The following GABRE variants were observed in gnomAD, a reference collection of about 807,000 sequenced individuals.
The protein encoded by GABRE is gamma-aminobutyric acid type A receptor subunit epsilon, also known as gamma-aminobutyric acid receptor subunit epsilon.
GABRE carries 20 observed loss-of-function variants against 31.0 expected under a neutral mutation model. The observed-to-expected ratio is 0.64, with a 90% CI of 0.45 to 0.94. The LOEUF (loss-of-function observed/expected upper bound fraction) is 0.94. GABRE is among the 40% of genes least tolerant of loss of function. The pLI is 0.00. For missense variants in GABRE, 420 were observed against 410.7 expected, an observed-to-expected ratio of 1.02 and a Z score of -0.20; for synonymous variants, 155 against 150.6, an observed-to-expected ratio of 1.03 and a Z score of -0.21.
intron 6 of GABRE, chrX:151,958,893 G>A (rs1259753498): frequency 3.4e-6 from 1 of 291,329 alleles, no homozygotes; most frequent in Non-Finnish European, 6.7e-6. Flanking sequence ...CTAGCCACAT[G>A]AGCATGAGCT....
intron 6 of GABRE, chrX:151,959,337 T>C (rs1934280913): frequency 4.1e-6 from 1 of 241,731 alleles, no homozygotes; most frequent in Non-Finnish European, 7.7e-6. Flanking sequence ...AAGATAAATG[T>C]CAATGCAGCA....
chrX:151,973,368 C>A (rs2266857), intron 1 of GABRE, among the ~76,000 whole-genome samples: 43,797 of 110,144 alleles, frequency 0.4, 7,012 homozygotes, highest in South Asian at 0.53. Context: ...AACTAGTCCA[C>A]ATCCCATTTT....
rs756946101 is a variant in GABRE, at chrX:151,968,058, C to T, written c.342+1611G>A. On this transcript the variant is annotated intron_variant, in intron 3 of 8. Transcript: ENST00000370328. ...GTGATTTCCATCTTGAGCACCTTCTCTCATACTCTTCCTCACTCTGAAAGA... is the reference window on the plus strand; with the variant it reads ...GTGATTTCCATCTTGAGCACCTTCTTTCATACTCTTCCTCACTCTGAAAGA... Among the ~76,000 whole-genome samples the T allele has an allele frequency of 4.4e-5, 5 of 112,882 alleles. No individual in the cohort carries two copies. The South Asian group carries it at 1.8e-3, about 41-fold the overall frequency.
chrX:151,972,768 TC>T, intron 1 of GABRE: 2 of 510,774 alleles, frequency 3.9e-6, no homozygotes, highest in Non-Finnish European at 4.8e-6. Context: ...CATCTTGAGG[TC>T]CTTGGGGTTA....
In GABRE at chrX:151,955,379, T is replaced by C. The variant is rs1603092066; in HGVS notation, c.1126A>G (p.Lys376Glu). 1.1e-5 allele frequency: 13 copies of C among 1,210,073 alleles called. No individual in the cohort carries two copies. The highest frequency in any genetic ancestry group is 1.5e-5 in the Non-Finnish European group (13 of 895,251). The change falls in exon 8 of 9, where the codon AAA becomes GAA. Residue 376 changes from lysine to glutamate, a missense_variant. Coordinates refer to ENST00000370328, the MANE Select transcript of GABRE (RefSeq NM_004961.4). Reference protein sequence around the residue: ...YNQTKAHASPKLRHPRINSRA... With the variant: ...YNQTKAHASPELRHPRINSRA... ...TACCCAGCTCATACATGGCGGAGTT[T>C]AGGAGAAGCATGGGCTTTTGTCTGG...
At position 151,961,274 on chromosome X, in the gene GABRE, G is replaced by A. The variant is rs1363992851; in HGVS notation, c.646+9C>T. On this transcript the variant is annotated intron_variant, in intron 5 of 8. Coordinates refer to ENST00000370328, the MANE Select transcript of GABRE (RefSeq NM_004961.4). ...TTCTGGGGCCCCAGAAACTTAAGAA[G>A]GTACTCACAGCTAGAGAAAGATAGA... 4 of 1,177,254 alleles carry A rather than the reference G, an allele frequency of 3.4e-6. No homozygotes were observed. Among genetic ancestry groups the A allele is most frequent in the Non-Finnish European group, 4.6e-6 (4 of 866,304 alleles).
intron 5 of GABRE, 57 bp downstream of exon 5, chrX:151,961,226 G>A: frequency 2.5e-6 from 2 of 799,765 alleles, no homozygotes; most frequent in Admixed American, 5.1e-5. Context: ...GCAAGGATGA[G>A]AAAAAGAAGG....
At chrX:151,968,330 C>A (rs1019969345) in intron 3 of GABRE, among the ~76,000 whole-genome samples, 1 of 112,362 alleles carries the variant, frequency 8.9e-6, no homozygotes, top group Admixed American at 9.4e-5. Context: ...CTGACCCACA[C>A]GAACTGTGAG....
At chrX:151,969,500 C>A in intron 3 of GABRE, 169 bp downstream of exon 3, 1 of 397,532 alleles carries the variant, frequency 2.5e-6, no homozygotes, top group Non-Finnish European at 4.1e-6. Flanking sequence ...AGGGACTTAC[C>A]TTTTCCAGTC....
intron 4 of GABRE, among the ~76,000 whole-genome samples, 199 bp from the exon 5 acceptor site, chrX:151,961,564 T>G (rs1196777813): frequency 1.8e-5 from 2 of 111,320 alleles, no homozygotes; most frequent in African/African-American, 6.5e-5. Flanking sequence ...CCTCCCAGGC[T>G]CAAGCAATTC....
chrX:151,970,568 A>G, intron 1 of GABRE, 166 bp from the exon 2 acceptor site: 2 of 543,674 alleles, frequency 3.7e-6, no homozygotes, highest in Non-Finnish European at 5.7e-6. Flanking sequence ...AGGCTTGTGA[A>G]TTTCTTTTAA....
chrX:151,954,002 G>A lies in GABRE; in HGVS notation c.*699C>T, dbSNP rs1266788517. ...AGGGCATTGAATTGGTAGTGCAGAC[G>A]AAAGATGGAGCCAGCAAGGAGAGGG... On this transcript the variant is annotated 3_prime_UTR_variant, in exon 9 of 9. Coordinates refer to ENST00000370328, the MANE Select transcript of GABRE (RefSeq NM_004961.4). The A allele has an allele frequency of 1.8e-5, 2 of 111,908 alleles. No homozygotes were observed. The highest frequency in any genetic ancestry group is 9.5e-5 in the Admixed American group (1 of 10,533). 9.2% of individuals were successfully genotyped at this position (111,908 alleles called of 1,213,427 possible). A position where few individuals can be genotyped will look rare whatever the true frequency, so the allele number is the denominator to read the frequency against.
intron 1 of GABRE, chrX:151,971,852 T>C (rs1934707695): frequency 9.9e-6 from 1 of 100,859 alleles, no homozygotes; most frequent in African/African-American, 4.4e-5. Context: ...TGTGTGTGTG[T>C]GTGTGTGTGT....
intron 6 of GABRE, chrX:151,959,123 G>T (rs763179133): frequency 5.1e-5 from 16 of 315,584 alleles, no homozygotes; most frequent in South Asian, 4.1e-4. Context: ...ACCCTGGGGA[G>T]GTCCCTTGGC....
chrX:151,961,507 C>T (rs1315207685), intron 4 of GABRE, 142 bp from the exon 5 acceptor site: 10 of 447,537 alleles, frequency 2.2e-5, no homozygotes, highest in Non-Finnish European at 3.5e-5. Flanking sequence ...ACTCTGTCAC[C>T]CAGGCTGGAG....
chrX:151,954,755 T>C lies in GABRE; in HGVS notation c.1467A>G (p.Pro489=). 2.5e-6 allele frequency: 3 copies of C among 1,210,588 alleles called. No homozygotes were observed. Among genetic ancestry groups the C allele is most frequent in the Non-Finnish European group, 3.4e-6 (3 of 895,069 alleles). The part of the protein sequence containing the change: ...RLDNYSRVVF[P]VTFFFFNVLY... ...GCACATTGAAGAAGAAGAAAGTCACTGGGAAAACAACTCTCGAGTAGTTAT... is the reference window on the plus strand; with the variant it reads ...GCACATTGAAGAAGAAGAAAGTCACCGGGAAAACAACTCTCGAGTAGTTAT... The change falls in exon 9 of 9, where the codon CCA becomes CCG. Residue 489 remains proline, a synonymous_variant. Coordinates refer to ENST00000370328, the MANE Select transcript of GABRE (RefSeq NM_004961.4).
intron 3 of GABRE, among the ~76,000 whole-genome samples, chrX:151,969,231 AGGT>A (rs766998473): frequency 9.0e-6 from 1 of 111,515 alleles, no homozygotes; most frequent in Non-Finnish European, 1.9e-5. Context: ...GGTGTATTCT[AGGT>A]GGGAGATGAT....
chrX:151,957,353 T>C (rs1000996569), intron 6 of GABRE: 1 of 280,278 alleles, frequency 3.6e-6, no homozygotes, highest in African/African-American at 2.8e-5. Flanking sequence ...GAGCGACCTG[T>C]TGTCAGTGGG....
In GABRE at chrX:151,974,602, G is replaced by T; in HGVS notation, c.24C>A (p.Val8=). 1 of 1,180,966 alleles carries T rather than the reference G, an allele frequency of 8.5e-7. No individual in the cohort carries two copies. Among genetic ancestry groups the T allele is most frequent in the East Asian group, 3.2e-5 (1 of 31,120 alleles). Residue 8 remains valine (V), a synonymous_variant, in exon 1 of 9, where the codon GTC becomes GTA. Coordinates refer to ENST00000370328, the MANE Select transcript of GABRE (RefSeq NM_004961.4). ...GGAGGATCAATAAGATGCCTAGGAGGACTGGAAGAACTTTGGACAACATTT... is the reference window on the plus strand; with the variant it reads ...GGAGGATCAATAAGATGCCTAGGAGTACTGGAAGAACTTTGGACAACATTT... MLSKVLP[V]LLGILLILQS...
Sources: gnomAD v4.1 joint callset for allele counts (sites outside exome capture counted in the v4.1 genomes callset) on GRCh38, gnomAD v4.1.1 for gene constraint, MANE v1.5 for transcripts, NCBI Gene and HGNC (gene_info 2026-07-23, HGNC 2026-07-21) for gene names.